Variants in MYO10 observed in about 807,000 individuals in gnomAD.
The protein encoded by MYO10 is myosin X.
MYO10 carries 133 observed loss-of-function variants against 257.3 expected under a neutral mutation model. The observed-to-expected ratio is 0.52, with a 90% confidence interval of 0.45 to 0.60. The LOEUF is 0.60. Among genes scored for constraint, MYO10 ranks in the 20% least tolerant of loss-of-function variants. MYO10 has a pLI of 0.00. For synonymous variants in MYO10, 1,104 were observed against 1,028.6 expected (o/e 1.07, Z -1.40); for missense variants, 2,399 against 2,635.7 (o/e 0.91, Z 1.97).
At chr5:16,919,305 G>T (rs910751106) in intron 1 of MYO10, among the ~76,000 whole-genome samples, 1 of 152,110 alleles carries the variant, frequency 6.6e-6, no homozygotes, top group Non-Finnish European at 1.5e-5. Context: ...TTGAACCCAG[G>T]AGACGGAGGT....
At chr5:16,874,347 G>C (rs1383913491) in intron 2 of MYO10, among the ~76,000 whole-genome samples, 4 of 43,418 alleles carry the variant, frequency 9.2e-5, no homozygotes, top group East Asian at 8.3e-4. Flanking sequence ...AAAAAAGCGG[G>C]GGGGGGGGGG....
At chr5:16,811,016 CCGA>C (rs1365385075) in intron 3 of MYO10, among the ~76,000 whole-genome samples, 1 of 150,124 alleles carries the variant, frequency 6.7e-6, no homozygotes, top group African/African-American at 2.5e-5. Flanking sequence ...TTGCAGTGAG[CCGA>C]CATGGCACCA....
At chr5:16,928,797 A>T in intron 1 of MYO10, among the ~76,000 whole-genome samples, 1 of 150,632 alleles carries the variant, frequency 6.6e-6, no homozygotes. Context: ...GTGAGCCGAG[A>T]TCACACCATT....
chr5:16,666,381 G>C lies in MYO10; in HGVS notation c.*311C>G, dbSNP rs1405103084. On this transcript the variant is annotated 3_prime_UTR_variant, in exon 41 of 41. Coordinates refer to ENST00000513610, the MANE Select transcript of MYO10 (RefSeq NM_012334.3). ...GCACAGTTACGGTCGATTAGTGTTG[G>C]TTCCACAAGTTAAGGCACTTCCGGC... 1 of 302,586 alleles carries C rather than the reference G, an allele frequency of 3.3e-6. No individual in the cohort carries two copies. Among genetic ancestry groups the C allele is most frequent in the Admixed American group, 4.9e-5 (1 of 20,540 alleles). The allele number at this position is 302,586 out of a possible 1,614,324, so 18.7% of individuals were successfully genotyped here. A position where few individuals can be genotyped will look rare whatever the true frequency, so the allele number is the denominator to read the frequency against.
At chr5:16,922,117 G>C (rs940441750) in intron 1 of MYO10, among the ~76,000 whole-genome samples, 12 of 151,970 alleles carry the variant, frequency 7.9e-5, no homozygotes, top group Non-Finnish European at 1.2e-4. Flanking sequence ...GGGAGGCTGA[G>C]GCAGGCAAAT....
intron 29 of MYO10, among the ~76,000 whole-genome samples, chr5:16,684,562 T>C (rs1052370929): frequency 1.3e-5 from 2 of 152,256 alleles, no homozygotes; most frequent in African/African-American, 4.8e-5. Flanking sequence ...TCTTAAAATA[T>C]GTTCAGTGAA....
At chr5:16,714,174 TAATTAAAGATTAA>T (rs368986096) in intron 19 of MYO10, among the ~76,000 whole-genome samples, 188 of 152,198 alleles carry the variant, frequency 1.2e-3, no homozygotes, top group African/African-American at 4.5e-3. Context: ...TATTAAACTA[TAATTAAAGATTAA>T]AATTAAGTTC....
chr5:16,847,763 GAAGTCTCAGCTACTC>G (rs1448943645), intron 2 of MYO10, among the ~76,000 whole-genome samples: 6 of 152,076 alleles, frequency 3.9e-5, no homozygotes, highest in African/African-American at 1.4e-4. Context: ...GTGCACAACT[GAAGTCTCAGCTACTC>G]AAGAGGCTGA....
chr5:16,706,037 A>G (rs866283980), intron 21 of MYO10, among the ~76,000 whole-genome samples: 18 of 152,110 alleles, frequency 1.2e-4, no homozygotes, highest in Admixed American at 3.3e-4. Flanking sequence ...ACAAAAAATT[A>G]GCCAGGCATG....
intron 19 of MYO10, among the ~76,000 whole-genome samples, chr5:16,745,419 G>C (rs7730280): frequency 0.18 from 27,709 of 151,800 alleles, 3,239 homozygotes; most frequent in African/African-American, 0.3. Flanking sequence ...GGCACGGTGA[G>C]TCACATCTGT....
At chr5:16,925,797 A>G (rs1175117730) in intron 1 of MYO10, among the ~76,000 whole-genome samples, 2 of 152,230 alleles carry the variant, frequency 1.3e-5, no homozygotes, top group Non-Finnish European at 2.9e-5. Context: ...ATAAATCACA[A>G]TATCAGCAAT....
intron 1 of MYO10, among the ~76,000 whole-genome samples, chr5:16,933,239 G>C (rs1305494598): frequency 6.6e-6 from 1 of 152,144 alleles, no homozygotes; most frequent in African/African-American, 2.4e-5. Context: ...TTGGGGGATA[G>C]GGTTAACAAT....
At chr5:16,800,623 G>A (rs1011142776) in intron 3 of MYO10, among the ~76,000 whole-genome samples, 2 of 152,166 alleles carry the variant, frequency 1.3e-5, no homozygotes, top group African/African-American at 4.8e-5. Flanking sequence ...AAGTGAGGAA[G>A]ACTCTATCTT....
At position 16,681,929 on chromosome 5, in the gene MYO10, G is replaced by A; in HGVS notation, c.4131C>T (p.Thr1377=). 1.2e-6 allele frequency: 2 copies of A among 1,613,972 alleles called. No homozygotes were observed. The highest frequency in any genetic ancestry group is 1.7e-6 in the Non-Finnish European group (2 of 1,179,880). The stretch of plus-strand genomic sequence containing the variant: ...TGTCCCCTTTGGACCTCTGCAGCAG[G>A]GTTATCCAGTGGTGCATCTCCTCCG... ...DTPEEMHHWI[T]LLQRSKGDTR... is the part of the protein sequence containing the mutation. The change falls in exon 31 of 41, where the codon ACC becomes ACT. Residue 1377 remains threonine (T), a synonymous_variant. Transcript: ENST00000513610.
intron 19 of MYO10, 21 bp from the exon 20 acceptor site, chr5:16,711,266 A>AG (rs1738596770): frequency 6.3e-7 from 1 of 1,590,664 alleles, no homozygotes; most frequent in Non-Finnish European, 8.6e-7. Flanking sequence ...CAAAAAAAAA[A>AG]GATGGGATAC....
chr5:16,848,155 C>CTTTTTTTTTTTTTTTTCTTTTTTTTTTTT (rs1554002457), intron 2 of MYO10, among the ~76,000 whole-genome samples: 2 of 113,566 alleles, frequency 1.8e-5, no homozygotes, highest in Non-Finnish European at 1.7e-5. Flanking sequence ...CTACACATTT[C>CTTTTTTTTTTTTTTTTCTTTTTTTTTTTT]TTTTTTTTTT....
chr5:16,847,911 A>G (rs554849152), intron 2 of MYO10, among the ~76,000 whole-genome samples: 3 of 152,308 alleles, frequency 2.0e-5, no homozygotes, highest in African/African-American at 7.2e-5. Flanking sequence ...AAAATAATAA[A>G]GTTACTTTAA....
intron 1 of MYO10, among the ~76,000 whole-genome samples, chr5:16,906,248 G>A (rs1745516344): frequency 6.6e-6 from 1 of 152,204 alleles, no homozygotes; most frequent in African/African-American, 2.4e-5. Context: ...ACCCTGGAAT[G>A]AGGAGCCAAT....
At chr5:16,822,479 T>G (rs1742850427) in intron 2 of MYO10, among the ~76,000 whole-genome samples, 1 of 151,978 alleles carries the variant, frequency 6.6e-6, no homozygotes, top group Non-Finnish European at 1.5e-5. Context: ...CTATGAAACG[T>G]AATGAAGGTC....
Sources: gnomAD v4.1 joint callset for allele counts (sites outside exome capture counted in the v4.1 genomes callset) on GRCh38, gnomAD v4.1.1 for gene constraint, MANE v1.5 for transcripts, NCBI Gene and HGNC (gene_info 2026-07-23, HGNC 2026-07-21) for gene names.